BCL7C: variants seen among roughly 807,000 people sequenced by gnomAD.
BCL7C encodes the protein B-cell CLL/lymphoma 7 protein family member C.
BCL7C carries 8 observed loss-of-function variants against 26.2 expected under a neutral mutation model. The ratio of observed to expected loss-of-function variants is 0.30; its 90% CI spans 0.18 to 0.55. BCL7C has a LOEUF of 0.55. Among genes scored for constraint, BCL7C ranks in the 20% least tolerant of loss-of-function variants. The probability of loss-of-function intolerance (pLI) is 0.93; values close to 1 mark genes in which losing one functional copy is unlikely to be tolerated. For missense variants in BCL7C, 262 were observed against 298.5 expected, an observed-to-expected ratio of 0.88 and a Z score of 0.90; for synonymous variants, 90 against 116.5, an observed-to-expected ratio of 0.77 and a Z score of 1.47.
At chr16:30,847,422 CA>C (rs2054642787) in intron 5 of BCL7C, among the ~76,000 whole-genome samples, 1 of 152,158 alleles carries the variant, frequency 6.6e-6, no homozygotes, top group African/African-American at 2.4e-5. Context: ...CTCACCTGGG[CA>C]AATGCCTTGA....
At chr16:30,850,558 C>G (rs547733168) in intron 5 of BCL7C, among the ~76,000 whole-genome samples, 1 of 152,104 alleles carries the variant, frequency 6.6e-6, no homozygotes, top group Non-Finnish European at 1.5e-5. Context: ...GCCTACAGAT[C>G]TGTACAGCAT....
chr16:30,881,310 C>T (rs551018973), intron 5 of BCL7C, among the ~76,000 whole-genome samples: 11 of 151,794 alleles, frequency 7.2e-5, no homozygotes, highest in South Asian at 2.1e-4. Flanking sequence ...GCAGGAAAAT[C>T]GCTTGAACCC....
chr16:30,835,160 AAAG>A, intron 5 of BCL7C: 1 of 1,468,790 alleles, frequency 6.8e-7, no homozygotes. Flanking sequence ...TGTACGGAGA[AAAG>A]AAGAATCTGG....
chr16:30,883,526 G>A (rs1319019838), downstream of BCL7C, among the ~76,000 whole-genome samples: 2 of 125,760 alleles, frequency 1.6e-5, no homozygotes, highest in African/African-American at 6.0e-5. Context: ...ACCATATCCA[G>A]CCAAACTGGC....
At chr16:30,867,707 C>T (rs2054841134) in intron 5 of BCL7C, among the ~76,000 whole-genome samples, 1 of 152,100 alleles carries the variant, frequency 6.6e-6, no homozygotes, top group African/African-American at 2.4e-5. Context: ...ACAGGAGAAT[C>T]GCTTGAACCC....
intron 5 of BCL7C, chr16:30,835,217 T>G (rs2054562297): frequency 1.5e-6 from 2 of 1,344,060 alleles, no homozygotes. Flanking sequence ...TTCCACCAAC[T>G]TGTCCCATTT....
At chr16:30,858,380 G>A (rs1252941716) in intron 5 of BCL7C, among the ~76,000 whole-genome samples, 1 of 152,140 alleles carries the variant, frequency 6.6e-6, no homozygotes, top group Non-Finnish European at 1.5e-5. Context: ...CACTCACCAG[G>A]GTGTCTGTGC....
chr16:30,857,374 C>A (rs2054731778), intron 5 of BCL7C, among the ~76,000 whole-genome samples: 1 of 122,400 alleles, frequency 8.2e-6, no homozygotes, highest in African/African-American at 3.2e-5. Context: ...GGTGACAGAG[C>A]GAGACTCCAT....
intron 4 of BCL7C, 92 bp from the exon 5 acceptor site, chr16:30,889,037 C>T: frequency 7.9e-7 from 1 of 1,260,410 alleles, no homozygotes; most frequent in Non-Finnish European, 1.2e-6. Context: ...AGGCCCCAGT[C>T]ACAGAGGGCA....
intron 5 of BCL7C, among the ~76,000 whole-genome samples, chr16:30,867,117 G>A (rs1419860796): frequency 6.6e-6 from 1 of 152,106 alleles, no homozygotes; most frequent in Non-Finnish European, 1.5e-5. Context: ...CATATGCAAT[G>A]TATAGGAAAT....
chr16:30,869,375 A>T (rs1371384134), intron 5 of BCL7C, among the ~76,000 whole-genome samples: 2 of 149,696 alleles, frequency 1.3e-5, no homozygotes, highest in Non-Finnish European at 3.0e-5. Context: ...TGCCCAGCTC[A>T]TTTTTTTTTA....
At chr16:30,884,492 G>GTTTT (rs71149066), downstream of BCL7C, among the ~76,000 whole-genome samples, 61 of 98,240 alleles carry the variant, frequency 6.2e-4, no homozygotes, top group East Asian at 8.7e-4. Flanking sequence ...ATCTCCATTT[G>GTTTT]TTTTTTTTTT....
chr16:30,891,395 A>C (rs904803409), intron 4 of BCL7C, among the ~76,000 whole-genome samples: 7 of 151,772 alleles, frequency 4.6e-5, no homozygotes, highest in African/African-American at 1.7e-4. Context: ...CCAGGAGGTG[A>C]AGGTTGCAGT....
At chr16:30,850,616 T>A (rs1460020267) in intron 5 of BCL7C, among the ~76,000 whole-genome samples, 1 of 152,160 alleles carries the variant, frequency 6.6e-6, no homozygotes, top group Non-Finnish European at 1.5e-5. Flanking sequence ...TACTGTAACA[T>A]GATGGTAAGT....
rs913044774 is a variant in BCL7C, at chr16:30,856,223, C to T, written c.529-21075G>A. On this transcript the variant is annotated intron_variant, in intron 5 of 5. Transcript: ENST00000380317. ...TTGGGAGGCTGAGGCGGGCGGATCA[C>T]GAGGTCAGGAGATTGAGACCATCCT... is the stretch of plus-strand genomic sequence containing the variant. Among the ~76,000 whole-genome samples, 25 of 151,320 alleles carry T rather than the reference C, an allele frequency of 1.7e-4. 1 individual carries two copies. Among genetic ancestry groups the T allele is most frequent in the Admixed American group, 9.2e-4 (14 of 15,186 alleles).
chr16:30,858,224 G>A (rs1019960190), intron 5 of BCL7C, among the ~76,000 whole-genome samples: 23 of 152,156 alleles, frequency 1.5e-4, no homozygotes, highest in Non-Finnish European at 3.2e-4. Context: ...CATTGCCACA[G>A]TGAAGAGTCC....
intron 5 of BCL7C, among the ~76,000 whole-genome samples, chr16:30,841,222 C>G (rs1398427104): frequency 6.6e-6 from 1 of 152,142 alleles, no homozygotes; most frequent in Non-Finnish European, 1.5e-5. Context: ...CAAATTTGTT[C>G]AATACTGGGT....
downstream of BCL7C, among the ~76,000 whole-genome samples, chr16:30,884,661 G>A (rs2055103168): frequency 6.6e-6 from 1 of 151,794 alleles, no homozygotes; most frequent in Non-Finnish European, 1.5e-5. Flanking sequence ...CCATGCCCAA[G>A]TAATTTTTCT....
chr16:30,869,798 C>G (rs960864654), intron 5 of BCL7C, among the ~76,000 whole-genome samples: 38 of 152,122 alleles, frequency 2.5e-4, no homozygotes, highest in African/African-American at 8.2e-4. Flanking sequence ...CAGGCATGAG[C>G]CATGGTGCCT....
Sources: gnomAD v4.1 joint callset for allele counts (sites outside exome capture counted in the v4.1 genomes callset) on GRCh38, gnomAD v4.1.1 for gene constraint, MANE v1.5 for transcripts, NCBI Gene and HGNC (gene_info 2026-07-23, HGNC 2026-07-21) for gene names.